The following FAM13C variants were observed in gnomAD, a reference collection of about 807,000 sequenced individuals.
FAM13C encodes the protein family with sequence similarity 13 member C.
Under a neutral mutation model 73.2 loss-of-function variants are expected in FAM13C, and 37 were observed. That is an observed-to-expected ratio of 0.51 (90% CI 0.39 to 0.67). The LOEUF (loss-of-function observed/expected upper bound fraction) is 0.67. Among genes scored for constraint, FAM13C ranks in the 30% least tolerant of loss-of-function variants. The pLI is 0.00. For synonymous variants in FAM13C, 246 were observed against 260.9 expected (o/e 0.94, Z 0.55); for missense variants, 589 against 715.6 (o/e 0.82, Z 2.02).
At chr10:59,287,964 T>A (rs971960442) in intron 5 of FAM13C, among the ~76,000 whole-genome samples, 3 of 152,218 alleles carry the variant, frequency 2.0e-5, no homozygotes, top group Non-Finnish European at 4.4e-5. Flanking sequence ...ACATGACTTC[T>A]AAGTCCCCTT....
chr10:59,286,534 T>TAC (rs1554820185), intron 5 of FAM13C, among the ~76,000 whole-genome samples: 1 of 141,936 alleles, frequency 7.0e-6, no homozygotes. Flanking sequence ...TATATATATA[T>TAC]ATATATATTC....
chr10:59,338,571 G>A (rs958449218), intron 3 of FAM13C, among the ~76,000 whole-genome samples: 4 of 152,166 alleles, frequency 2.6e-5, no homozygotes, highest in African/African-American at 7.2e-5. Flanking sequence ...CAGGCCGTAA[G>A]ATCATATGTT....
rs1843513093 is a variant in FAM13C at position 59,269,943 on chromosome 10, G to T, written c.759C>A (p.Asp253Glu). 6.2e-7 allele frequency: 1 copy of T among 1,613,852 alleles called. No homozygotes were observed. The highest frequency in any genetic ancestry group is 8.5e-7 in the Non-Finnish European group (1 of 1,179,914). ...IFSQSQRFNL[D>E]PESAPSPPST... ...TGGGTGGAGATGGGGCTGACTCGGG[G>T]TCTAAGTTGAATCTCTGGCTTTGGC... The change falls in exon 7 of 14, where the codon GAC becomes GAA. Residue 253 changes from aspartate to glutamate, a missense_variant. Coordinates refer to ENST00000618804, the MANE Select transcript of FAM13C (RefSeq NM_198215.4).
At chr10:59,328,301 A>G (rs929806138) in intron 3 of FAM13C, among the ~76,000 whole-genome samples, 1 of 152,236 alleles carries the variant, frequency 6.6e-6, no homozygotes, top group Non-Finnish European at 1.5e-5. Context: ...ACTCAAACTT[A>G]GTTAAGGAAA....
intron 6 of FAM13C, among the ~76,000 whole-genome samples, chr10:59,277,580 G>C (rs904006728): frequency 2.0e-5 from 3 of 152,298 alleles, no homozygotes; most frequent in Non-Finnish European, 4.4e-5. Flanking sequence ...CAGGGACCTA[G>C]AGATGGATTC....
At chr10:59,304,818 G>GGGAAGGGAA (rs1564554063) in intron 4 of FAM13C, among the ~76,000 whole-genome samples, 141 of 66,608 alleles carry the variant, frequency 2.1e-3, no homozygotes, top group South Asian at 3.2e-3. Flanking sequence ...GGGAAGGAAA[G>GGGAAGGGAA]GGGAAGGGGA....
intron 3 of FAM13C, among the ~76,000 whole-genome samples, chr10:59,343,974 T>G (rs1232750153): frequency 1.3e-5 from 2 of 151,356 alleles, no homozygotes; most frequent in Non-Finnish European, 2.9e-5. Flanking sequence ...TTTTCTTTTT[T>G]TTTTTGAGAT....
At chr10:59,299,195 T>G (rs892782342) in intron 5 of FAM13C, among the ~76,000 whole-genome samples, 1 of 152,106 alleles carries the variant, frequency 6.6e-6, no homozygotes, top group Non-Finnish European at 1.5e-5. Context: ...CCATAATATA[T>G]CAAAACATCA....
intron 5 of FAM13C, among the ~76,000 whole-genome samples, chr10:59,294,448 C>G (rs1256717779): frequency 6.6e-6 from 1 of 152,166 alleles, no homozygotes; most frequent in Non-Finnish European, 1.5e-5. Context: ...CTCTGCTCAG[C>G]CCAACACCTC....
At chr10:59,349,994 T>C (rs188902988) in intron 3 of FAM13C, among the ~76,000 whole-genome samples, 278 of 152,324 alleles carry the variant, frequency 1.8e-3, no homozygotes, top group African/African-American at 6.5e-3. Flanking sequence ...CAGAAACTCA[T>C]ACCAAGTGTC....
rs769783866 is a variant in FAM13C at position 59,254,369 on chromosome 10, T to C, written c.1311A>G (p.Thr437=). ...TTACAATTGTTGGAATAAGGGAAGG[T>C]GTTGACAAGATTTGCTTGATAATTC... The part of the protein sequence containing the change: ...RYRIIKQILS[T]PSLIPTIQEE... The change falls in exon 11 of 14, where the codon ACA becomes ACG. Residue 437 remains threonine, a synonymous_variant. Coordinates refer to ENST00000618804, the MANE Select transcript of FAM13C (RefSeq NM_198215.4). 2 of 1,554,710 alleles carry C rather than the reference T, an allele frequency of 1.3e-6. No homozygotes were observed. The highest frequency in any genetic ancestry group is 1.4e-5 in the African/African-American group (1 of 72,408).
intron 6 of FAM13C, among the ~76,000 whole-genome samples, chr10:59,272,642 A>G (rs1843844068): frequency 6.6e-6 from 1 of 152,156 alleles, no homozygotes; most frequent in Non-Finnish European, 1.5e-5. Context: ...GTTTTAGAGG[A>G]AAGGGTCTGG....
chr10:59,343,581 C>A (rs1853805119), intron 3 of FAM13C, among the ~76,000 whole-genome samples: 1 of 152,164 alleles, frequency 6.6e-6, no homozygotes, highest in Non-Finnish European at 1.5e-5. Flanking sequence ...AAGCATTGAC[C>A]AGCTCTGGAC....
At chr10:59,248,176 A>G (rs1840908304) in intron 13 of FAM13C, among the ~76,000 whole-genome samples, 1 of 152,212 alleles carries the variant, frequency 6.6e-6, no homozygotes, top group African/African-American at 2.4e-5. Flanking sequence ...CATTATAAAA[A>G]TAACATAAAC....
At chr10:59,358,583 C>T (rs577959158) in intron 1 of FAM13C, among the ~76,000 whole-genome samples, 50 of 152,276 alleles carry the variant, frequency 3.3e-4, no homozygotes, top group African/African-American at 1.2e-3. Flanking sequence ...CAATGAAGAA[C>T]AAAAATCTAG....
chr10:59,264,411 A>C (rs1273959738), intron 8 of FAM13C, among the ~76,000 whole-genome samples: 2 of 152,164 alleles, frequency 1.3e-5, no homozygotes, highest in African/African-American at 4.8e-5. Flanking sequence ...TGCTATGGGC[A>C]CTATTTCTAA....
intron 6 of FAM13C, among the ~76,000 whole-genome samples, chr10:59,279,605 G>C (rs1435688014): frequency 1.3e-5 from 2 of 152,190 alleles, no homozygotes; most frequent in Non-Finnish European, 2.9e-5. Context: ...ACTATGCTGA[G>C]TCATGTGGAA....
rs17853626 is a variant in FAM13C, at chr10:59,352,349, G to A, written c.245C>T (p.Pro82Leu). The change falls in exon 3 of 14, where the codon CCC becomes CTC. Residue 82 changes from proline to leucine, a missense_variant. By Grantham distance (98) the Pro-to-Leu change is moderately conservative (BLOSUM62 -3). Transcript: ENST00000618804. ...CCTGGACTTGAAGTTGCCCATGCTG[G>A]GTCGCAATACGCTGTCCACCAGCAC... ...ATVLVDSVLR[P>L]SMGNFKSRKP... 1 of 1,614,142 alleles carries A rather than the reference G, an allele frequency of 6.2e-7. No homozygotes were observed. Among genetic ancestry groups the A allele is most frequent in the Admixed American group, 1.7e-5 (1 of 60,016 alleles).
At chr10:59,301,642 C>A (rs1376687512) in intron 5 of FAM13C, among the ~76,000 whole-genome samples, 1 of 152,220 alleles carries the variant, frequency 6.6e-6, no homozygotes, top group African/African-American at 2.4e-5. Flanking sequence ...CAAAGCTTTG[C>A]TCCTTTACAA....
Sources: allele counts gnomAD v4.1 joint callset (sites outside exome capture counted in the v4.1 genomes callset), GRCh38; gene constraint gnomAD v4.1.1; transcripts MANE v1.5; gene names NCBI Gene and HGNC (gene_info 2026-07-23, HGNC 2026-07-21).